PARP8: variants seen among roughly 807,000 people sequenced by gnomAD.
The protein encoded by PARP8 is protein mono-ADP-ribosyltransferase PARP8.
In PARP8, 51 loss-of-function variants were observed where a neutral mutation model predicts 124.1. The observed-to-expected ratio is 0.41, with a 90% CI of 0.33 to 0.52. The LOEUF (loss-of-function observed/expected upper bound fraction) is 0.52, where lower values mean the gene tolerates loss of function less well. PARP8 is among the 20% of genes least tolerant of loss of function. PARP8 has a pLI of 0.21. For missense variants in PARP8, 860 were observed against 1,018.9 expected (o/e 0.84, Z 2.12); for synonymous variants, 391 against 361.5 (o/e 1.08, Z -0.93).
chr5:50,699,526 T>C (rs73099002), intron 2 of PARP8, among the ~76,000 whole-genome samples: 4 of 152,150 alleles, frequency 2.6e-5, no homozygotes, highest in Non-Finnish European at 5.9e-5. Flanking sequence ...GGGAAACAGG[T>C]TTACTCAGCC....
rs527627582 is a variant in PARP8, at chr5:50,794,429, T to A, written c.863+97T>A. On this transcript the variant is annotated intron_variant, in intron 11 of 25. Coordinates refer to ENST00000281631, the MANE Select transcript of PARP8 (RefSeq NM_024615.4). ...TCTTTCTATAGTGTTGGCATCTGTT[T>A]ATTTTCTTTATAACCTCTAAGAAAA... The A allele has an allele frequency of 2.2e-5, 30 of 1,381,796 alleles. No individual in the cohort carries two copies. The South Asian group carries it at 4.6e-4, about 21-fold the overall frequency. 85.6% of individuals were successfully genotyped at this position (1,381,796 alleles called of 1,614,324 possible). A position where few individuals can be genotyped will look rare whatever the true frequency, so the allele number is the denominator to read the frequency against.
intron 3 of PARP8, among the ~76,000 whole-genome samples, chr5:50,757,711 G>T (rs995138024): frequency 1.3e-5 from 2 of 151,970 alleles, no homozygotes; most frequent in African/African-American, 4.8e-5. Flanking sequence ...TTCCAGTGTT[G>T]ACACTTTATG....
At chr5:50,814,942 G>T (rs531642111) in intron 14 of PARP8, among the ~76,000 whole-genome samples, 1 of 152,186 alleles carries the variant, frequency 6.6e-6, no homozygotes, top group Admixed American at 6.6e-5. Context: ...AGTCTTTCAA[G>T]AGCTGAGTAG....
chr5:50,716,725 A>G (rs1437292656), intron 2 of PARP8, among the ~76,000 whole-genome samples: 2 of 152,074 alleles, frequency 1.3e-5, no homozygotes, highest in African/African-American at 4.8e-5. Context: ...ACCTGTGTCA[A>G]TACAGTGAAT....
chr5:50,717,672 A>T (rs1020941871), intron 2 of PARP8, among the ~76,000 whole-genome samples: 6 of 152,006 alleles, frequency 3.9e-5, no homozygotes, highest in Non-Finnish European at 7.4e-5. Flanking sequence ...TCTGCAGTTG[A>T]AACTAAGGAA....
intron 19 of PARP8, among the ~76,000 whole-genome samples, chr5:50,827,074 A>C (rs1163515517): frequency 6.6e-6 from 1 of 152,162 alleles, no homozygotes; most frequent in African/African-American, 2.4e-5. Flanking sequence ...GCAATTGAAA[A>C]ATATTATATG....
At chr5:50,763,400 A>T (rs1241898299) in intron 7 of PARP8, 158 bp downstream of exon 7, 2 of 576,880 alleles carry the variant, frequency 3.5e-6, no homozygotes, top group Non-Finnish European at 6.1e-6. Context: ...TGACATATTT[A>T]TGGCTATTTT....
intron 15 of PARP8, among the ~76,000 whole-genome samples, chr5:50,820,597 G>A (rs920320864): frequency 5.9e-5 from 9 of 152,156 alleles, no homozygotes; most frequent in African/African-American, 2.2e-4. Flanking sequence ...AATAGGAAGA[G>A]GCAAGATGTT....
intron 7 of PARP8, among the ~76,000 whole-genome samples, chr5:50,766,533 A>G (rs868646816): frequency 1.3e-5 from 2 of 152,246 alleles, no homozygotes; most frequent in African/African-American, 4.8e-5. Context: ...TAAAACTTCC[A>G]TTTAATATAA....
intron 2 of PARP8, among the ~76,000 whole-genome samples, chr5:50,672,851 C>T (rs1484434853): frequency 6.6e-6 from 1 of 151,906 alleles, no homozygotes; most frequent in African/African-American, 2.4e-5. Flanking sequence ...TATGTGTGTG[C>T]AGGGGTGAGG....
chr5:50,713,990 C>G (rs1352827832), intron 2 of PARP8, among the ~76,000 whole-genome samples: 1 of 152,048 alleles, frequency 6.6e-6, no homozygotes, highest in Non-Finnish European at 1.5e-5. Context: ...CTGGTTGAAC[C>G]CATTTAATTG....
chr5:50,750,260 T>A, intron 3 of PARP8, 72 bp downstream of exon 3: 4 of 1,231,894 alleles, frequency 3.2e-6, no homozygotes, highest in Non-Finnish European at 4.7e-6. Flanking sequence ...TCTGGAGATG[T>A]AAAACGCATA....
At chr5:50,774,026 G>T (rs932663393) in intron 7 of PARP8, among the ~76,000 whole-genome samples, 3 of 152,000 alleles carry the variant, frequency 2.0e-5, no homozygotes, top group Non-Finnish European at 4.4e-5. Context: ...TGAGATTAGG[G>T]AGTGGTGATG....
intron 2 of PARP8, among the ~76,000 whole-genome samples, chr5:50,714,052 C>T (rs1272644345): frequency 6.6e-6 from 1 of 151,754 alleles, no homozygotes; most frequent in East Asian, 1.9e-4. Context: ...CATTTTAAGC[C>T]ACTGATGATT....
chr5:50,745,029 C>T (rs996976536), intron 2 of PARP8: 1 of 359,230 alleles, frequency 2.8e-6, no homozygotes, highest in African/African-American at 2.1e-5. Flanking sequence ...TCCCTTAGAA[C>T]TCTGCAAGTC....
In PARP8 at chr5:50,826,759, A is replaced by G. The variant is rs1466072415; in HGVS notation, c.1933A>G (p.Ile645Val). 3 of 1,586,256 alleles carry G rather than the reference A, an allele frequency of 1.9e-6. No individual in the cohort carries two copies. The highest frequency in any genetic ancestry group is 2.6e-6 in the Non-Finnish European group (3 of 1,171,206). The change falls in exon 19 of 26, where the codon ATA becomes GTA. Residue 645 changes from isoleucine (I) to valine (V), a missense_variant. By Grantham distance (29) the Ile-to-Val change is conservative (BLOSUM62 3). Around this residue, in one of 2 missense-constraint regions of PARP8, gnomAD observed 343 missense variants for 474.7 expected, o/e 0.72. Transcript: ENST00000281631. ...AATGGATCATTTTAATTTCAGGGTTATATCAAGTAATAGATCACATATTGT... is the reference window on the plus strand; with the variant it reads ...AATGGATCATTTTAATTTCAGGGTTGTATCAAGTAATAGATCACATATTGT... ...PLAHPLLQWV[I>V]SSNRSHIVKL...
At chr5:50,804,729 T>C (rs187015048) in intron 14 of PARP8, among the ~76,000 whole-genome samples, 1 of 152,138 alleles carries the variant, frequency 6.6e-6, no homozygotes, top group Non-Finnish European at 1.5e-5. Flanking sequence ...TGACTGAAGA[T>C]TCATTTGATG....
intron 1 of PARP8, chr5:50,667,645 G>C (rs1402110472): frequency 1.6e-5 from 11 of 699,232 alleles, no homozygotes; most frequent in Non-Finnish European, 2.3e-5. Context: ...GGCAGCGCTC[G>C]GCCCATCTCC....
chr5:50,813,201 G>A (rs1271416237), intron 14 of PARP8, among the ~76,000 whole-genome samples: 1 of 152,028 alleles, frequency 6.6e-6, no homozygotes, highest in Non-Finnish European at 1.5e-5. Context: ...CTATTTTCAC[G>A]AAATTGATTC....
Sources: gnomAD v4.1 joint callset for allele counts (sites outside exome capture counted in the v4.1 genomes callset) on GRCh38, gnomAD v4.1.1 for gene constraint, gnomAD v4.1.1 regional missense constraint, MANE v1.5 for transcripts, NCBI Gene and HGNC (gene_info 2026-07-23, HGNC 2026-07-21) for gene names.